Variants in SNF8 observed in about 807,000 individuals in gnomAD.
SNF8 encodes SNF8 subunit of ESCRT-II, also known as vacuolar-sorting protein SNF8.
SNF8 carries 19 observed loss-of-function variants against 36.8 expected under a neutral mutation model. That is an observed-to-expected ratio of 0.52 (90% confidence interval 0.36 to 0.76). SNF8 has a LOEUF of 0.76. Among genes scored for constraint, SNF8 ranks in the 30% least tolerant of loss-of-function variants. The probability of loss-of-function intolerance (pLI) is 0.00; values close to 1 mark genes in which losing one functional copy is unlikely to be tolerated. For synonymous variants in SNF8, 127 were observed against 127.4 expected, an observed-to-expected ratio of 1.00 and a Z score of 0.02; for missense variants, 268 against 322.9, an observed-to-expected ratio of 0.83 and a Z score of 1.30.
Position 48,944,718 on chromosome 17 carries a change from AC to A in SNF8, c.16del (p.Val6TrpfsTer28). ...CTTCTTGGCGATGGCGCCAGCTCCC[AC>A]CCCGCGGCGGTGCATCCCCACCCTG... MHRRG[V>X]GAGAIAKKKL... On this transcript the variant is annotated frameshift_variant, in exon 1 of 8. Transcript: ENST00000502492. LOFTEE classifies it high-confidence loss of function. 1 of 1,609,896 alleles carries A rather than the reference AC, an allele frequency of 6.2e-7. No homozygotes were observed. The highest frequency in any genetic ancestry group is 8.5e-7 in the Non-Finnish European group (1 of 1,178,806).
At chr17:48,943,794 C>A (rs915656122) in intron 2 of SNF8, 131 bp downstream of exon 2, 2 of 754,766 alleles carry the variant, frequency 2.6e-6, no homozygotes, top group Non-Finnish European at 4.7e-6. Context: ...AAGATCTCAG[C>A]GGCTCAGAAA....
intron 7 of SNF8, among the ~76,000 whole-genome samples, chr17:48,930,918 A>C (rs1205515629): frequency 6.6e-6 from 1 of 152,234 alleles, no homozygotes; most frequent in Non-Finnish European, 1.5e-5. Context: ...TCAGCAAATC[A>C]CTGCCTCCAT....
intron 6 of SNF8, 190 bp downstream of exon 6, chr17:48,933,015 G>T: frequency 1.8e-6 from 1 of 542,806 alleles, no homozygotes; most frequent in Non-Finnish European, 3.2e-6. Flanking sequence ...ATGCCCCACA[G>T]CCTGGCCCAG....
chr17:48,938,087 A>G (rs993261911), intron 3 of SNF8, among the ~76,000 whole-genome samples: 11 of 152,200 alleles, frequency 7.2e-5, no homozygotes, highest in Non-Finnish European at 1.6e-4. Flanking sequence ...CAAGACTAAG[A>G]GAAAGAATAT....
intron 3 of SNF8, among the ~76,000 whole-genome samples, chr17:48,937,625 TC>T (rs2040954831): frequency 1.9e-5 from 2 of 105,502 alleles, no homozygotes; most frequent in Non-Finnish European, 4.5e-5. Context: ...AGCACAACTC[TC>T]TCTCAAAAAA....
chr17:48,938,196 C>G (rs1457434099), intron 3 of SNF8, among the ~76,000 whole-genome samples: 1 of 152,084 alleles, frequency 6.6e-6, no homozygotes, highest in African/African-American at 2.4e-5. Context: ...CGACAATATT[C>G]TATTCAGTGA....
intron 2 of SNF8, among the ~76,000 whole-genome samples, chr17:48,942,412 GT>G (rs1567790075): frequency 1.3e-5 from 2 of 151,520 alleles, no homozygotes; most frequent in African/African-American, 4.9e-5. Flanking sequence ...CATCTCCCCT[GT>G]GAGTGGGTGC....
chr17:48,942,586 A>C (rs2041045994), intron 2 of SNF8, among the ~76,000 whole-genome samples: 1 of 151,888 alleles, frequency 6.6e-6, no homozygotes, highest in African/African-American at 2.4e-5. Flanking sequence ...CAGGAGCTGC[A>C]CCCCCCATCA....
At chr17:48,944,544 G>C in intron 1 of SNF8, 137 bp downstream of exon 1, 1 of 992,314 alleles carries the variant, frequency 1.0e-6, no homozygotes, top group South Asian at 1.4e-5. Context: ...GGAAGCTGGA[G>C]AAATTCTGTG....
Position 48,930,404 on chromosome 17 carries a change from C to A in SNF8, c.*71G>T. 2.9e-6 allele frequency: 4 copies of A among 1,373,324 alleles called. No homozygotes were observed. Among genetic ancestry groups the A allele is most frequent in the South Asian group, 1.8e-5 (1 of 54,316 alleles). 85.1% of individuals were successfully genotyped at this position (1,373,324 alleles called of 1,614,324 possible). ...ACTTTTTTTCTATTTTTTGTATAAA[C>A]AAAATTGCCCAGGTTTATTTGCCAC... is the stretch of plus-strand genomic sequence containing the variant. On this transcript the variant is annotated 3_prime_UTR_variant, in exon 8 of 8. Coordinates refer to ENST00000502492, the MANE Select transcript of SNF8 (RefSeq NM_007241.4).
chr17:48,930,517 G>C lies in SNF8; in HGVS notation c.735C>G (p.Ser245=). The C allele has an allele frequency of 6.2e-7, 1 of 1,612,208 alleles. No homozygotes were observed. Among genetic ancestry groups the C allele is most frequent in the South Asian group, 1.1e-5 (1 of 90,820 alleles). ...WLPALFTDLY[S]QEITAEEARE... is the part of the protein sequence containing the mutation. ...TGGCCTCCTCAGCTGTAATCTCCTG[G>C]GAGTAGAGGTCAGTGAAGAGAGCTG... Residue 245 remains serine (S), a synonymous_variant, in exon 8 of 8, where the codon TCC becomes TCG. Transcript: ENST00000502492.
Position 48,930,560 on chromosome 17 carries a change from T to C in SNF8, c.692A>G (p.Glu231Gly). Residue 231 changes from glutamate to glycine, a missense_variant, in exon 8 of 8, where the codon GAG becomes GGG. Coordinates refer to ENST00000502492, the MANE Select transcript of SNF8 (RefSeq NM_007241.4). ...LAWLDLQAPG[E>G]AHYWLPALFT... ...GAGAGCTGGCAGCCAGTAGTGGGCC[T>C]CCCCTGGGGCCTGTAAGTCCAGCCA... is the stretch of plus-strand genomic sequence containing the variant. 6.2e-7 allele frequency: 1 copy of C among 1,613,628 alleles called. No individual in the cohort carries two copies. The highest frequency in any genetic ancestry group is 8.5e-7 in the Non-Finnish European group (1 of 1,179,942).
In SNF8 at chr17:48,943,360, C is replaced by T. The variant is rs375557094; in HGVS notation, c.105+565G>A. 2.8e-4 allele frequency among the ~76,000 whole-genome samples: 42 copies of T among 152,276 alleles called. No individual in the cohort carries two copies. In the East Asian group the frequency reaches 7.4e-3, roughly 27 times the overall value. ...GCACAGTGGCTCACGCCTTTAATTC[C>T]AGCACTCTGGGAAGCCAAGGTGGGC... is the stretch of plus-strand genomic sequence containing the variant. On this transcript the variant is annotated intron_variant, in intron 2 of 7. Coordinates refer to ENST00000502492, the MANE Select transcript of SNF8 (RefSeq NM_007241.4).
chr17:48,933,197 A>G lies in SNF8; in HGVS notation c.564+8T>C, dbSNP rs1247329896. ...TGCACACACACACACTCGAAGGTGC[A>G]CCAGTACCTCTGCCAGCTGCAGCAC... is the stretch of plus-strand genomic sequence containing the variant. On this transcript the variant is annotated splice_region_variant and intron_variant, in intron 6 of 7. Transcript: ENST00000502492. The G allele has an allele frequency of 6.2e-7, 1 of 1,612,942 alleles. No homozygotes were observed. Among genetic ancestry groups the G allele is most frequent in the Admixed American group, 1.7e-5 (1 of 60,002 alleles).
chr17:48,935,364 T>G (rs2040918872), intron 5 of SNF8, among the ~76,000 whole-genome samples: 1 of 151,814 alleles, frequency 6.6e-6, no homozygotes, highest in Non-Finnish European at 1.5e-5. Flanking sequence ...ATACAAAAAA[T>G]TAGCCGGGCG....
At position 48,930,492 on chromosome 17, in the gene SNF8, TG is replaced by T. The variant is rs772428094; in HGVS notation, c.759del (p.Arg254GlufsTer72). On this transcript the variant is annotated frameshift_variant, in exon 8 of 8. Coordinates refer to ENST00000502492, the MANE Select transcript of SNF8 (RefSeq NM_007241.4). LOFTEE classifies it high-confidence loss of function. ...LYSQEITAEE[A>X]REALP is the part of the protein sequence containing the mutation. ...ACATGCAGTCAGGGGAGGGCTTCTC[TG>T]GCCTCCTCAGCTGTAATCTCCTGGG... 6.2e-7 allele frequency: 1 copy of T among 1,608,702 alleles called. No homozygotes were observed. Among genetic ancestry groups the T allele is most frequent in the Non-Finnish European group, 8.5e-7 (1 of 1,177,918 alleles).
Position 48,930,650 on chromosome 17 carries a change from G to C in SNF8, c.640-38C>G, listed in dbSNP as rs144730478. 5.5e-4 allele frequency: 888 copies of C among 1,601,550 alleles called. 13 individuals are homozygous for C. In the East Asian group the frequency reaches 0.012, roughly 21 times the overall value. Reference sequence around the variant, plus strand: ...GGGAAGAAGAGCAGTTTGAGAACAGGGAGGTTCCATAGACAAAGGGTAGGT... The same window carrying C: ...GGGAAGAAGAGCAGTTTGAGAACAGCGAGGTTCCATAGACAAAGGGTAGGT... On this transcript the variant is annotated intron_variant, in intron 7 of 7. Coordinates refer to ENST00000502492, the MANE Select transcript of SNF8 (RefSeq NM_007241.4).
At chr17:48,941,344 T>C (rs1213821512) in intron 2 of SNF8, among the ~76,000 whole-genome samples, 1 of 152,100 alleles carries the variant, frequency 6.6e-6, no homozygotes, top group Non-Finnish European at 1.5e-5. Context: ...AAGGTGCACA[T>C]ATATACAACC....
intron 6 of SNF8, 122 bp from the exon 7 acceptor site, chr17:48,931,839 C>T: frequency 1.4e-6 from 1 of 706,832 alleles, no homozygotes; most frequent in Middle Eastern, 2.5e-4. Context: ...CATGAGAGAA[C>T]ACAGAAAATG....
Sources: gnomAD v4.1 joint callset for allele counts (sites outside exome capture counted in the v4.1 genomes callset) on GRCh38, gnomAD v4.1.1 for gene constraint, MANE v1.5 for transcripts, NCBI Gene and HGNC (gene_info 2026-07-23, HGNC 2026-07-21) for gene names.